The following ATP8A2 variants were observed in gnomAD, a reference collection of about 807,000 sequenced individuals.
ATP8A2 encodes phospholipid-transporting ATPase IB.
In ATP8A2, 100 loss-of-function variants were observed where a neutral mutation model predicts 165.6. The observed-to-expected ratio is 0.60, with a 90% CI of 0.51 to 0.71. ATP8A2 has a LOEUF of 0.71. ATP8A2 is among the 30% of genes least tolerant of loss of function. The probability of loss-of-function intolerance (pLI) is 0.00; values close to 1 mark genes in which losing one functional copy is unlikely to be tolerated. For synonymous variants in ATP8A2, 543 were observed against 548.8 expected, an observed-to-expected ratio of 0.99 and a Z score of 0.15; for missense variants, 1,227 against 1,479.5, an observed-to-expected ratio of 0.83 and a Z score of 2.80.
chr13:25,547,006 T>C (rs541701673), intron 10 of ATP8A2, among the ~76,000 whole-genome samples: 1 of 152,154 alleles, frequency 6.6e-6, no homozygotes, highest in East Asian at 1.9e-4. Flanking sequence ...GGTGCATGCC[T>C]GTAATCCCAG....
chr13:25,914,897 G>T (rs997572658), intron 33 of ATP8A2, among the ~76,000 whole-genome samples: 1 of 152,148 alleles, frequency 6.6e-6, no homozygotes, highest in African/African-American at 2.4e-5. Flanking sequence ...TCTGTGGAAC[G>T]CCCTTCTTCC....
chr13:25,734,919 G>C (rs11617367), intron 25 of ATP8A2, among the ~76,000 whole-genome samples: 71,933 of 151,894 alleles, frequency 0.47, 17,204 homozygotes, highest in East Asian at 0.58. Flanking sequence ...GATTACAGGC[G>C]TGAGCTACCA....
chr13:25,530,335 C>A (rs1192082484), intron 3 of ATP8A2, among the ~76,000 whole-genome samples: 2 of 152,290 alleles, frequency 1.3e-5, no homozygotes, highest in East Asian at 3.9e-4. Context: ...GCCTTAGGGC[C>A]ATACTTTTAA....
Position 25,695,682 on chromosome 13 carries a change from C to T in ATP8A2, c.2212-3491C>T, listed in dbSNP as rs184458033. Among the ~76,000 whole-genome samples the T allele has an allele frequency of 3.8e-4, 58 of 152,304 alleles. No homozygotes were observed. The East Asian group carries it at 8.1e-3, about 21-fold the overall frequency. On this transcript the variant is annotated intron_variant, in intron 24 of 36. Coordinates refer to ENST00000381655, the MANE Select transcript of ATP8A2 (RefSeq NM_016529.6). ...TGCCCATCCATAAGAAGCAACTCCT[C>T]GTTTATTCAAGTTTGATCATGAGAT... is the stretch of plus-strand genomic sequence containing the variant.
At chr13:25,659,414 A>G (rs917363258) in intron 24 of ATP8A2, among the ~76,000 whole-genome samples, 6 of 152,118 alleles carry the variant, frequency 3.9e-5, no homozygotes, top group African/African-American at 7.2e-5. Flanking sequence ...GCGCCTTTCA[A>G]TGGTTGTCTG....
chr13:25,959,615 A>C (rs895308048), intron 33 of ATP8A2, among the ~76,000 whole-genome samples: 1 of 152,188 alleles, frequency 6.6e-6, no homozygotes, highest in African/African-American at 2.4e-5. Flanking sequence ...CTTTCCCACA[A>C]CCACCATGAC....
chr13:25,373,918 C>A (rs2032520831), intron 1 of ATP8A2, among the ~76,000 whole-genome samples: 1 of 152,182 alleles, frequency 6.6e-6, no homozygotes, highest in African/African-American at 2.4e-5. Context: ...CTGGCTCTTA[C>A]AAGAGTCAGC....
At chr13:25,450,570 C>A (rs1213985912) in intron 1 of ATP8A2, among the ~76,000 whole-genome samples, 2 of 152,136 alleles carry the variant, frequency 1.3e-5, no homozygotes, top group Non-Finnish European at 2.9e-5. Context: ...CTCGCTCTGT[C>A]GCCCAGGCTG....
In ATP8A2 at chr13:26,024,607, C is replaced by G. The variant is rs1283819054; in HGVS notation, c.*4622C>G. On this transcript the variant is annotated 3_prime_UTR_variant, in exon 37 of 37. Coordinates refer to ENST00000381655, the MANE Select transcript of ATP8A2 (RefSeq NM_016529.6). ...ATCCAGTGTTAACCTCTGAGGAACA[C>G]CTCGGCTCTCCCAACTGAGGAGAGA... 6.6e-6 allele frequency: 1 copy of G among 152,222 alleles called. No individual in the cohort carries two copies. Among genetic ancestry groups the G allele is most frequent in the African/African-American group, 2.4e-5 (1 of 41,466 alleles). The allele number at this position is 152,222 out of a possible 1,614,324, so 9.4% of individuals were successfully genotyped here. A position where few individuals can be genotyped will look rare whatever the true frequency, so the allele number is the denominator to read the frequency against.
At chr13:25,471,293 G>GA (rs145404536) in intron 2 of ATP8A2, among the ~76,000 whole-genome samples, 20 of 145,214 alleles carry the variant, frequency 1.4e-4, no homozygotes, top group African/African-American at 2.0e-4. Flanking sequence ...AAGGCTGGGA[G>GA]AAAAAAAAAA....
chr13:26,016,755 G>A (rs1159219298), intron 36 of ATP8A2, among the ~76,000 whole-genome samples: 1 of 152,184 alleles, frequency 6.6e-6, no homozygotes, highest in East Asian at 1.9e-4. Flanking sequence ...TGACGTGGAT[G>A]CAGAGGCCTC....
In ATP8A2 at chr13:25,559,060, G is replaced by T; in HGVS notation, c.1351G>T (p.Gly451Cys). 6.3e-7 allele frequency: 1 copy of T among 1,596,090 alleles called. No individual in the cohort carries two copies. The highest frequency in any genetic ancestry group is 8.6e-7 in the Non-Finnish European group (1 of 1,167,574). Residue 451 changes from glycine to cysteine, a missense_variant and splice_region_variant, in exon 14 of 37, where the codon GGT becomes TGT. Gly to Cys is a radical substitution (Grantham distance 159). Transcript: ENST00000381655. Reference sequence around the variant, plus strand: ...GTGCAGCATTGCCGGAGTAACCTATGGGTCAGTGTGTTTATCATTTACTGA... The same window carrying T: ...GTGCAGCATTGCCGGAGTAACCTATTGGTCAGTGTGTTTATCATTTACTGA... The part of the protein sequence containing the change: ...KKCSIAGVTY[G>C]HFPELAREPS...
intron 27 of ATP8A2, among the ~76,000 whole-genome samples, chr13:25,804,717 T>C (rs1245285501): frequency 6.6e-6 from 1 of 152,180 alleles, no homozygotes; most frequent in Non-Finnish European, 1.5e-5. Flanking sequence ...AGAGACACTC[T>C]GAACCCCGTG....
intron 24 of ATP8A2, among the ~76,000 whole-genome samples, chr13:25,683,598 G>A (rs1026169955): frequency 7.9e-5 from 12 of 152,172 alleles, no homozygotes; most frequent in Admixed American, 7.2e-4. Context: ...GGAGCCGTGC[G>A]GAATTACAAA....
chr13:25,635,138 C>T (rs1394141713), intron 24 of ATP8A2, among the ~76,000 whole-genome samples: 1 of 152,210 alleles, frequency 6.6e-6, no homozygotes, highest in Non-Finnish European at 1.5e-5. Context: ...ACCAAAGTCA[C>T]CATGCTCATG....
At chr13:25,425,462 C>CTT (rs1185474948) in intron 1 of ATP8A2, among the ~76,000 whole-genome samples, 9 of 59,004 alleles carry the variant, frequency 1.5e-4, no homozygotes, top group Admixed American at 3.6e-4. Context: ...TCTTTCTTTC[C>CTT]TTTTTTTTTT....
intron 8 of ATP8A2, among the ~76,000 whole-genome samples, chr13:25,541,387 A>T (rs1211630517): frequency 6.6e-6 from 1 of 152,098 alleles, no homozygotes; most frequent in Non-Finnish European, 1.5e-5. Flanking sequence ...GCTGGGCATG[A>T]TGGCACATAC....
At chr13:26,005,982 ATT>A (rs1956728881) in intron 35 of ATP8A2, among the ~76,000 whole-genome samples, 1 of 151,898 alleles carries the variant, frequency 6.6e-6, no homozygotes, top group Non-Finnish European at 1.5e-5. Flanking sequence ...TATTTTGGTT[ATT>A]TTGGGTCCCT....
chr13:25,384,365 T>C (rs2032963419), intron 1 of ATP8A2, among the ~76,000 whole-genome samples: 1 of 152,334 alleles, frequency 6.6e-6, no homozygotes, highest in South Asian at 2.1e-4. Context: ...TCTTTCTTTT[T>C]TGGGGAGAAG....
Sources: allele counts gnomAD v4.1 joint callset (sites outside exome capture counted in the v4.1 genomes callset), GRCh38; gene constraint gnomAD v4.1.1; transcripts MANE v1.5; gene names NCBI Gene and HGNC (gene_info 2026-07-23, HGNC 2026-07-21).